The following C1GALT1 variants were observed in gnomAD, a reference collection of about 807,000 sequenced individuals.
C1GALT1 encodes the protein glycoprotein-N-acetylgalactosamine 3-beta-galactosyltransferase 1.
A neutral mutation model predicts 31.0 loss-of-function variants in C1GALT1; 11 were observed. The ratio of observed to expected loss-of-function variants is 0.36; its 90% confidence interval spans 0.22 to 0.59. The LOEUF is 0.59. Among genes scored for constraint, C1GALT1 ranks in the 20% least tolerant of loss-of-function variants. The probability of loss-of-function intolerance (pLI) is 0.79; values close to 1 mark genes in which losing one functional copy is unlikely to be tolerated. For missense variants in C1GALT1, 424 were observed against 425.2 expected, an observed-to-expected ratio of 1.00 and a Z score of 0.03; for synonymous variants, 175 against 143.6, an observed-to-expected ratio of 1.22 and a Z score of -1.56.
chr7:7,176,022 C>A (rs1375191233), intron 2 of C1GALT1, among the ~76,000 whole-genome samples: 2 of 152,132 alleles, frequency 1.3e-5, no homozygotes, highest in African/African-American at 4.8e-5. Context: ...GGTTTGTATG[C>A]CTGGAGACAG....
intron 3 of C1GALT1, among the ~76,000 whole-genome samples, chr7:7,240,281 C>T (rs1783566738): frequency 6.6e-6 from 1 of 152,158 alleles, no homozygotes; most frequent in African/African-American, 2.4e-5. Context: ...ATGCACAGGA[C>T]AGCCTCCTAC....
intron 1 of C1GALT1, among the ~76,000 whole-genome samples, chr7:7,199,099 T>A (rs1219942772): frequency 6.6e-6 from 1 of 152,210 alleles, no homozygotes; most frequent in Non-Finnish European, 1.5e-5. Context: ...TGTTTGCTCT[T>A]GCTTCTCTGG....
At chr7:7,166,305 A>G (rs1780391868) in intron 2 of C1GALT1, among the ~76,000 whole-genome samples, 1 of 152,232 alleles carries the variant, frequency 6.6e-6, no homozygotes, top group South Asian at 2.1e-4. Context: ...TTCTTATAAT[A>G]GAATATTACT....
chr7:7,224,945 T>G (rs1213201269), intron 1 of C1GALT1, among the ~76,000 whole-genome samples: 1 of 152,114 alleles, frequency 6.6e-6, no homozygotes, highest in Non-Finnish European at 1.5e-5. Flanking sequence ...TAGATAGTTT[T>G]TCAGTCCTCA....
chr7:7,175,552 G>C, intron 2 of C1GALT1, among the ~76,000 whole-genome samples: 1 of 152,174 alleles, frequency 6.6e-6, no homozygotes, highest in East Asian at 1.9e-4. Context: ...TGTAATCTCT[G>C]CCTCCAGGTG....
At chr7:7,225,846 A>T (rs1314382513) in intron 1 of C1GALT1, among the ~76,000 whole-genome samples, 1 of 152,194 alleles carries the variant, frequency 6.6e-6, no homozygotes, top group Non-Finnish European at 1.5e-5. Context: ...CTGATGACAT[A>T]ACCTTTTAAG....
At chr7:7,169,013 A>T (rs1339587375) in intron 2 of C1GALT1, among the ~76,000 whole-genome samples, 1 of 152,228 alleles carries the variant, frequency 6.6e-6, no homozygotes, top group Non-Finnish European at 1.5e-5. Context: ...AATAACCATT[A>T]AGCAATAACA....
intron 1 of C1GALT1, among the ~76,000 whole-genome samples, chr7:7,221,629 G>C (rs530010699): frequency 1.3e-5 from 2 of 152,344 alleles, no homozygotes; most frequent in African/African-American, 4.8e-5. Context: ...ACTGTAGGAT[G>C]ATCCCACTGG....
intron 2 of C1GALT1, among the ~76,000 whole-genome samples, chr7:7,174,000 G>A (rs1036300693): frequency 2.6e-5 from 4 of 152,128 alleles, no homozygotes; most frequent in African/African-American, 9.7e-5. Flanking sequence ...GGAAATCCAT[G>A]ACAACAGTGC....
chr7:7,185,244 G>A (rs1780762962), intron 1 of C1GALT1, among the ~76,000 whole-genome samples: 1 of 152,134 alleles, frequency 6.6e-6, no homozygotes, highest in Admixed American at 6.5e-5. Flanking sequence ...GCAACGAGAG[G>A]CAATATTAGG....
intron 1 of C1GALT1, among the ~76,000 whole-genome samples, chr7:7,233,622 C>T (rs1167936466): frequency 6.6e-6 from 1 of 152,160 alleles, no homozygotes; most frequent in African/African-American, 2.4e-5. Flanking sequence ...AGACATATTG[C>T]CTCTATTGTA....
chr7:7,214,957 AT>A, intron 1 of C1GALT1, among the ~76,000 whole-genome samples: 1 of 152,146 alleles, frequency 6.6e-6, no homozygotes, highest in Non-Finnish European at 1.5e-5. Context: ...GGCTTAAGAT[AT>A]TTTGTAAACC....
intron 1 of C1GALT1, among the ~76,000 whole-genome samples, chr7:7,199,654 A>G (rs554098048): frequency 2.0e-5 from 3 of 152,290 alleles, no homozygotes; most frequent in African/African-American, 2.4e-5. Flanking sequence ...AAAGTCTCCC[A>G]TTATTATTGT....
chr7:7,198,346 C>T (rs1280021339), intron 1 of C1GALT1, among the ~76,000 whole-genome samples: 3 of 151,948 alleles, frequency 2.0e-5, no homozygotes, highest in East Asian at 1.9e-4. Flanking sequence ...TATTGATTTG[C>T]GTATGTTGAA....
At position 7,246,733 on chromosome 7, in the gene C1GALT1, T is replaced by C. The variant is rs1335862769; in HGVS notation, c.*3006T>C. The C allele has an allele frequency of 2.0e-5, 3 of 152,326 alleles. No homozygotes were observed. The highest frequency in any genetic ancestry group is 4.4e-5 in the Non-Finnish European group (3 of 68,166). 9.4% of individuals were successfully genotyped at this position (152,326 alleles called of 1,614,324 possible). Reference sequence around the variant, plus strand: ...GCAAACTCTGCAGGTGTCTTTCTTATCCTAGTTTGAGAACCAATACCCAAC... The same window carrying C: ...GCAAACTCTGCAGGTGTCTTTCTTACCCTAGTTTGAGAACCAATACCCAAC... On this transcript the variant is annotated 3_prime_UTR_variant, in exon 4 of 4. Coordinates refer to ENST00000436587, the MANE Select transcript of C1GALT1 (RefSeq NM_020156.5).
At chr7:7,229,765 T>G (rs574819411) in intron 1 of C1GALT1, among the ~76,000 whole-genome samples, 3 of 152,262 alleles carry the variant, frequency 2.0e-5, no homozygotes, top group African/African-American at 7.2e-5. Flanking sequence ...AAGGGGGCAG[T>G]AGGGAGGCAG....
rs1783791924 is a variant in C1GALT1 at position 7,245,164 on chromosome 7, TTTATCA to T, written c.*1442_*1447del. ...ACAAAGTATTTACATTTCCCTCATG[TTTATCA>T]TTATGCCAATTTTACATGGCAGTCA... On this transcript the variant is annotated 3_prime_UTR_variant, in exon 4 of 4. Coordinates refer to ENST00000436587, the MANE Select transcript of C1GALT1 (RefSeq NM_020156.5). The T allele has an allele frequency of 6.6e-6, 1 of 152,248 alleles. No individual in the cohort carries two copies. Among genetic ancestry groups the T allele is most frequent in the Non-Finnish European group, 1.5e-5 (1 of 68,036 alleles). The allele number at this position is 152,248 out of a possible 1,614,324, so 9.4% of individuals were successfully genotyped here. A position where few individuals can be genotyped will look rare whatever the true frequency, so the allele number is the denominator to read the frequency against.
In C1GALT1 at chr7:7,201,129, G is replaced by C. The variant is rs554235821; in HGVS notation, c.-18+18309G>C. The stretch of plus-strand genomic sequence containing the variant: ...TCTGCTCTGGTTTCTCCCCATCTTT[G>C]TGGTTTTATCTACCTTTGGTCTTTG... On this transcript the variant is annotated intron_variant, in intron 1 of 3. Transcript: ENST00000436587. 2.6e-5 allele frequency among the ~76,000 whole-genome samples: 4 copies of C among 152,284 alleles called. No individual in the cohort carries two copies. The South Asian group carries it at 8.3e-4, about 32-fold the overall frequency.
Position 7,161,327 on chromosome 7 carries a change from C to T in C1GALT1, c.-18+3901C>T, listed in dbSNP as rs560039902. ...CAACTCACTTAGTCTAACTTCTTTA[C>T]TTTAAAGGTAATTGCCCCTTGGATG... On this transcript the variant is annotated intron_variant, in intron 2 of 3. Transcript: ENST00000429911. Among the ~76,000 whole-genome samples, 5 of 152,224 alleles carry T rather than the reference C, an allele frequency of 3.3e-5. No homozygotes were observed. In the South Asian group the frequency reaches 6.2e-4, roughly 19 times the overall value.
Sources: allele counts gnomAD v4.1 joint callset (sites outside exome capture counted in the v4.1 genomes callset), GRCh38; gene constraint gnomAD v4.1.1; transcripts MANE v1.5; gene names NCBI Gene and HGNC (gene_info 2026-07-23, HGNC 2026-07-21).